Variants in PFKL observed in about 807,000 individuals in gnomAD.
PFKL encodes ATP-dependent 6-phosphofructokinase, liver type.
PFKL carries 74 observed loss-of-function variants against 92.1 expected under a neutral mutation model. The ratio of observed to expected loss-of-function variants is 0.80; its 90% confidence interval spans 0.67 to 0.97. The LOEUF is 0.97. Ranked by LOEUF, PFKL falls within the 50% of genes least tolerant of loss-of-function variation. The pLI is 0.00. For missense variants in PFKL, 1,028 were observed against 1,116.6 expected, an observed-to-expected ratio of 0.92 and a Z score of 1.13; for synonymous variants, 494 against 456.4, an observed-to-expected ratio of 1.08 and a Z score of -1.05.
chr21:44,302,028 T>A (rs767298583), intron 1 of PFKL, among the ~76,000 whole-genome samples: 1 of 152,186 alleles, frequency 6.6e-6, no homozygotes, highest in East Asian at 1.9e-4. Flanking sequence ...GGAGATGGGA[T>A]GCCCCTCCTG....
intron 10 of PFKL, 114 bp downstream of exon 10, chr21:44,318,709 T>A (rs2047278697): frequency 1.1e-6 from 1 of 948,822 alleles, no homozygotes; most frequent in Non-Finnish European, 1.4e-6. Flanking sequence ...GGGCAGGGCC[T>A]CGTGGCTGGC....
rs139005571 is a variant in PFKL at position 44,318,517 on chromosome 21, G to A, written c.984G>A (p.Thr328=). ...MEAVMALLEA[T]PDTPACVVTL... is the part of the protein sequence containing the mutation. The stretch of plus-strand genomic sequence containing the variant: ...CGGTGATGGCGCTGCTGGAAGCCAC[G>A]CCTGACACGCCGGCCTGCGTGGTCA... The change falls in exon 10 of 22, where the codon ACG becomes ACA. Residue 328 remains threonine, a synonymous_variant. Transcript: ENST00000349048. 191 of 1,576,756 alleles carry A rather than the reference G, an allele frequency of 1.2e-4. 2 individuals carry two copies. The highest frequency in any genetic ancestry group is 8.5e-4 in the Middle Eastern group (5 of 5,890).
intron 1 of PFKL, chr21:44,305,259 G>A (rs1601994704): frequency 4.5e-6 from 6 of 1,328,774 alleles, no homozygotes; most frequent in Admixed American, 2.1e-5. Flanking sequence ...TTCTCAAGGC[G>A]TGGCACCTCA....
In PFKL at chr21:44,300,185, C is replaced by T; in HGVS notation, c.80C>T (p.Ala27Val). The T allele has an allele frequency of 8.8e-7, 1 of 1,138,398 alleles. No individual in the cohort carries two copies. The highest frequency in any genetic ancestry group is 1.1e-6 in the Non-Finnish European group (1 of 921,562). The allele number at this position is 1,138,398 out of a possible 1,614,324, so 70.5% of individuals were successfully genotyped here. A position where few individuals can be genotyped will look rare whatever the true frequency, so the allele number is the denominator to read the frequency against. ...GGCGTCCTGACCAGCGGCGGCGACG[C>T]GCAAGGTGGGCGGGGGTCCCGGCCG... ...AIGVLTSGGD[A>V]QGMNAAVRAV... The change falls in exon 1 of 22, where the codon GCG (alanine) becomes GTG (valine). Residue 27 changes from alanine to valine, a missense_variant. Physicochemically the swap from Ala to Val is moderately conservative, Grantham distance 64. Coordinates refer to ENST00000349048, the MANE Select transcript of PFKL (RefSeq NM_002626.6).
chr21:44,309,595 T>TCC (rs1323404594), intron 2 of PFKL, among the ~76,000 whole-genome samples: 1 of 152,186 alleles, frequency 6.6e-6, no homozygotes, highest in Non-Finnish European at 1.5e-5. Flanking sequence ...TGCCTGCCCC[T>TCC]CCGCCCAGTG....
chr21:44,325,137 C>CT lies in PFKL; in HGVS notation c.1878-15dup. On this transcript the variant is annotated splice_polypyrimidine_tract_variant and intron_variant, in intron 18 of 21. Coordinates refer to ENST00000349048, the MANE Select transcript of PFKL (RefSeq NM_002626.6). Reference sequence around the variant, plus strand: ...GAACTCGTTCCCGCCGACTCAGGCCCTGCTGCCCCTCTCAGGAACGAGAAG... The same window carrying CT: ...GAACTCGTTCCCGCCGACTCAGGCCCTTGCTGCCCCTCTCAGGAACGAGAAG... The CT allele has an allele frequency of 1.9e-6, 3 of 1,561,776 alleles. No homozygotes were observed. The highest frequency in any genetic ancestry group is 2.6e-6 in the Non-Finnish European group (3 of 1,133,320).
intron 1 of PFKL, chr21:44,305,452 T>A (rs1325155293): frequency 5.0e-6 from 3 of 595,718 alleles, no homozygotes; most frequent in African/African-American, 2.5e-5. Flanking sequence ...TACAGGGGGG[T>A]GGGAGGGCAG....
chr21:44,321,547 T>C (rs2047355238), intron 12 of PFKL, 182 bp from the exon 13 acceptor site: 8 of 527,274 alleles, frequency 1.5e-5, no homozygotes, highest in Non-Finnish European at 2.5e-5. Flanking sequence ...TTCACCAGAA[T>C]CTTCTGGAAT....
chr21:44,311,051 A>C lies in PFKL; in HGVS notation c.205A>C (p.Asn69His). 1 of 1,613,192 alleles carries C rather than the reference A, an allele frequency of 6.2e-7. No individual in the cohort carries two copies. Among genetic ancestry groups the C allele is most frequent in the Non-Finnish European group, 8.5e-7 (1 of 1,179,626 alleles). The change falls in exon 3 of 22, where the codon AAC (asparagine) becomes CAC (histidine). Residue 69 changes from asparagine to histidine, a missense_variant. Asn to His is a moderately conservative substitution (Grantham distance 68, BLOSUM62 1). Transcript: ENST00000349048. The part of the protein sequence containing the change: ...VEGGENIKQA[N>H]WLSVSNIIQL... ...GGGAGGTGAGAACATCAAGCAGGCC[A>C]ACTGGCTGAGCGTCTCCAACATCAT...
chr21:44,323,704 C>G, intron 15 of PFKL, 62 bp from the exon 16 acceptor site: 1 of 1,543,396 alleles, frequency 6.5e-7, no homozygotes, highest in South Asian at 1.2e-5. Context: ...CCGGCAGAGC[C>G]TGTCCCCGGC....
chr21:44,321,987 G>A (rs2047367612), intron 13 of PFKL, 112 bp downstream of exon 13: 20 of 1,447,318 alleles, frequency 1.4e-5, no homozygotes, highest in Non-Finnish European at 1.5e-5. Context: ...CTGGGTCCGC[G>A]TGTCGGTGCC....
intron 2 of PFKL, among the ~76,000 whole-genome samples, chr21:44,309,102 C>T (rs1387371816): frequency 6.6e-6 from 1 of 152,058 alleles, no homozygotes; most frequent in Non-Finnish European, 1.5e-5. Context: ...GGTCGAGAGG[C>T]AGAAGGGGGA....
chr21:44,315,187 C>A (rs1459592915), intron 7 of PFKL: 1 of 152,300 alleles, frequency 6.6e-6, no homozygotes, highest in Non-Finnish European at 1.5e-5. Context: ...GGTTCCGGCT[C>A]CAGTGGTGAC....
intron 12 of PFKL, chr21:44,320,414 A>C (rs1231235850): frequency 2.6e-6 from 1 of 379,550 alleles, no homozygotes. Context: ...GGCTTAACTC[A>C]GGAGAGGAGA....
chr21:44,306,171 AC>A (rs1361452546), intron 1 of PFKL, among the ~76,000 whole-genome samples: 1 of 75,804 alleles, frequency 1.3e-5, no homozygotes, highest in Non-Finnish European at 2.6e-5. Flanking sequence ...CACCTGCCCC[AC>A]TTTTTATCCT....
intron 2 of PFKL, among the ~76,000 whole-genome samples, chr21:44,310,188 T>G (rs960832302): frequency 6.6e-6 from 1 of 152,202 alleles, no homozygotes; most frequent in Non-Finnish European, 1.5e-5. Context: ...CAGTCATGAG[T>G]GTCCCTCCCC....
intron 7 of PFKL, chr21:44,315,909 G>C: frequency 2.7e-6 from 1 of 363,788 alleles, no homozygotes; most frequent in East Asian, 6.5e-5. Flanking sequence ...GCGTCTTCCC[G>C]CCTGGAAGGC....
In PFKL at chr21:44,312,177, A is replaced by T. The variant is rs2047064822; in HGVS notation, c.310A>T (p.Asn104Tyr). ...GGAGGGGCGCCGGGCAGCGGCCTAC[A>T]ACCTGGTCCAGCACGGCATCACCAA... ...TREGRRAAAY[N>Y]LVQHGITNLC... is the part of the protein sequence containing the mutation. The change falls in exon 4 of 22, where the codon AAC (asparagine) becomes TAC (tyrosine). Residue 104 changes from asparagine (N) to tyrosine (Y), a missense_variant. Physicochemically the swap from Asn to Tyr is moderately radical, Grantham distance 143. Coordinates refer to ENST00000349048, the MANE Select transcript of PFKL (RefSeq NM_002626.6). The T allele has an allele frequency of 6.2e-7, 1 of 1,601,002 alleles. No homozygotes were observed. Among genetic ancestry groups the T allele is most frequent in the South Asian group, 1.1e-5 (1 of 89,108 alleles).
rs1300590312 is a variant in PFKL at position 44,306,562 on chromosome 21, G to T, written c.86-119G>T. On this transcript the variant is annotated intron_variant, in intron 1 of 21. Coordinates refer to ENST00000349048, the MANE Select transcript of PFKL (RefSeq NM_002626.6). ...TGACCAGGGCCTTCCCCCACCACCCGCCCTCTGAGATGGACAGGGTGTCCA... is the reference window on the plus strand; with the variant it reads ...TGACCAGGGCCTTCCCCCACCACCCTCCCTCTGAGATGGACAGGGTGTCCA... 5.2e-6 allele frequency: 3 copies of T among 571,664 alleles called. No individual in the cohort carries two copies. The African/African-American group carries it at 5.7e-5, about 11-fold the overall frequency. The allele number at this position is 571,664 out of a possible 1,614,324, so 35.4% of individuals were successfully genotyped here.
Sources: allele counts gnomAD v4.1 joint callset (sites outside exome capture counted in the v4.1 genomes callset), GRCh38; gene constraint gnomAD v4.1.1; transcripts MANE v1.5; gene names NCBI Gene and HGNC (gene_info 2026-07-23, HGNC 2026-07-21).